Variants in CCDC30 observed in about 807,000 individuals in gnomAD.
CCDC30 encodes coiled-coil domain-containing protein 30.
A neutral mutation model predicts 100.2 loss-of-function variants in CCDC30; 70 were observed. The ratio of observed to expected loss-of-function variants is 0.70; its 90% CI spans 0.58 to 0.85. The LOEUF (loss-of-function observed/expected upper bound fraction) is 0.85. CCDC30 is among the 40% of genes least tolerant of loss of function. The probability of loss-of-function intolerance (pLI) is 0.00; values close to 1 mark genes in which losing one functional copy is unlikely to be tolerated. For synonymous variants in CCDC30, 233 were observed against 269.5 expected, an observed-to-expected ratio of 0.86 and a Z score of 1.33; for missense variants, 652 against 771.2, an observed-to-expected ratio of 0.85 and a Z score of 1.83.
At chr1:42,557,552 A>G (rs1439730063) in intron 6 of CCDC30, among the ~76,000 whole-genome samples, 1 of 151,846 alleles carries the variant, frequency 6.6e-6, no homozygotes, top group Non-Finnish European at 1.5e-5. Flanking sequence ...CATTGGGACC[A>G]GTATTTTATG....
intron 11 of CCDC30, 57 bp downstream of exon 15, chr1:42,611,147 T>C (rs1646615221): frequency 1.9e-6 from 2 of 1,063,000 alleles, no homozygotes; most frequent in Non-Finnish European, 2.9e-6. Flanking sequence ...TATTTCTTGC[T>C]GAGCAGGCTC....
intron 3 of CCDC30, among the ~76,000 whole-genome samples, chr1:42,488,087 G>T (rs1044790251): frequency 2.0e-5 from 3 of 152,040 alleles, no homozygotes; most frequent in African/African-American, 7.2e-5. Flanking sequence ...ATGGATGTAG[G>T]TATTACCATA....
intron 11 of CCDC30, among the ~76,000 whole-genome samples, chr1:42,635,346 A>C (rs1647131015): frequency 6.6e-6 from 1 of 151,980 alleles, no homozygotes; most frequent in South Asian, 2.1e-4. Context: ...GTGCCTGGCT[A>C]GATATACCCT....
intron 1 of CCDC30, among the ~76,000 whole-genome samples, chr1:42,465,552 C>T (rs1167105264): frequency 3.9e-5 from 6 of 151,940 alleles, no homozygotes; most frequent in South Asian, 2.1e-4. Flanking sequence ...TTAGTAGAGA[C>T]GGGGTTTCTC....
intron 4 of CCDC30, among the ~76,000 whole-genome samples, chr1:42,493,194 A>G (rs917260757): frequency 3.9e-5 from 6 of 152,068 alleles, no homozygotes; most frequent in Non-Finnish European, 8.8e-5. Flanking sequence ...CAATAAGAAT[A>G]TAATTAAATA....
intron 10 of CCDC30, among the ~76,000 whole-genome samples, chr1:42,601,551 C>T (rs1646405022): frequency 6.6e-6 from 1 of 152,166 alleles, no homozygotes; most frequent in Non-Finnish European, 1.5e-5. Flanking sequence ...CACCCCTAAC[C>T]ACAATCCAGG....
At chr1:42,524,898 T>G (rs1369259955) in intron 6 of CCDC30, among the ~76,000 whole-genome samples, 1 of 152,250 alleles carries the variant, frequency 6.6e-6, no homozygotes, top group African/African-American at 2.4e-5. Flanking sequence ...TTTCCCAATC[T>G]GTCATCTCTC....
chr1:42,476,483 G>C (rs1198533298), intron 1 of CCDC30, among the ~76,000 whole-genome samples: 2 of 152,132 alleles, frequency 1.3e-5, no homozygotes, highest in African/African-American at 4.8e-5. Context: ...CTGAGGTGGG[G>C]AGTTCGAGAC....
chr1:42,582,309 C>G (rs1342961325), intron 9 of CCDC30, among the ~76,000 whole-genome samples: 3 of 152,176 alleles, frequency 2.0e-5, no homozygotes, highest in Non-Finnish European at 4.4e-5. Flanking sequence ...CCATTTAGTC[C>G]ATCCCTAGAG....
intron 6 of CCDC30, among the ~76,000 whole-genome samples, chr1:42,550,192 T>C (rs1325801809): frequency 6.6e-6 from 1 of 152,122 alleles, no homozygotes; most frequent in African/African-American, 2.4e-5. Flanking sequence ...CATGAAAACA[T>C]AAAATATTGA....
At chr1:42,463,923 C>T (rs1453552806) in intron 1 of CCDC30, 25 bp downstream of exon 1, 1 of 152,214 alleles carries the variant, frequency 6.6e-6, no homozygotes, top group African/African-American at 2.4e-5. Flanking sequence ...GCCTTTCAAG[C>T]TACAACTTTT....
chr1:42,515,062 A>G (rs1010190595), intron 6 of CCDC30, among the ~76,000 whole-genome samples: 11 of 152,192 alleles, frequency 7.2e-5, no homozygotes, highest in Admixed American at 7.2e-4. Flanking sequence ...AAGTAATCAA[A>G]TTAAGATGAG....
intron 7 of CCDC30, among the ~76,000 whole-genome samples, chr1:42,573,424 A>T (rs928667301): frequency 1.3e-5 from 2 of 152,154 alleles, no homozygotes; most frequent in African/African-American, 4.8e-5. Context: ...TTATTTCCCA[A>T]TATATAGAAA....
intron 12 of CCDC30, among the ~76,000 whole-genome samples, chr1:42,641,793 T>G (rs977255282): frequency 1.1e-4 from 17 of 151,794 alleles, no homozygotes; most frequent in Admixed American, 3.9e-4. Flanking sequence ...AGGCAGAGGT[T>G]GTAGTGAGCC....
At chr1:42,609,483 C>T (rs1039676675) in intron 10 of CCDC30, among the ~76,000 whole-genome samples, 4 of 152,146 alleles carry the variant, frequency 2.6e-5, no homozygotes, top group Admixed American at 2.0e-4. Context: ...GCCCCTAACT[C>T]TCATGTTGTT....
At chr1:42,542,533 A>ATTTTTTT (rs749030366) in intron 6 of CCDC30, among the ~76,000 whole-genome samples, 36 of 100,794 alleles carry the variant, frequency 3.6e-4, no homozygotes, top group East Asian at 7.9e-4. Flanking sequence ...CTAATTTTAA[A>ATTTTTTT]TTTTTCTTTT....
intron 6 of CCDC30, among the ~76,000 whole-genome samples, chr1:42,503,231 A>G (rs1644347714): frequency 1.3e-5 from 2 of 152,172 alleles, no homozygotes; most frequent in Non-Finnish European, 2.9e-5. Flanking sequence ...GGGGTTCGTC[A>G]TCTTACACTA....
At chr1:42,655,860 G>A (rs1006504247), downstream of CCDC30, among the ~76,000 whole-genome samples, 3 of 114,384 alleles carry the variant, frequency 2.6e-5, no homozygotes, top group Non-Finnish European at 5.6e-5. Context: ...CATTTAAGCT[G>A]TTTTTACTTT....
chr1:42,504,803 C>A (rs1049204880), intron 6 of CCDC30, among the ~76,000 whole-genome samples: 3 of 152,086 alleles, frequency 2.0e-5, no homozygotes, highest in African/African-American at 7.2e-5. Flanking sequence ...TTTAAACAAG[C>A]AGTTATTCTC....
Sources: gnomAD v4.1 joint callset for allele counts (sites outside exome capture counted in the v4.1 genomes callset) on GRCh38, gnomAD v4.1.1 for gene constraint, MANE v1.5 for transcripts, NCBI Gene and HGNC (gene_info 2026-07-23, HGNC 2026-07-21) for gene names.